KIF13A: variants seen among roughly 807,000 people sequenced by gnomAD.
The protein encoded by KIF13A is kinesin-like protein KIF13A.
KIF13A carries 79 observed loss-of-function variants against 212.2 expected under a neutral mutation model. The ratio of observed to expected loss-of-function variants is 0.37; its 90% confidence interval spans 0.31 to 0.45. KIF13A has a LOEUF of 0.45. KIF13A is among the 20% of genes least tolerant of loss of function. The pLI is 1.00. For synonymous variants in KIF13A, 789 were observed against 808.6 expected (o/e 0.98, Z 0.41); for missense variants, 1,901 against 2,209.0 (o/e 0.86, Z 2.79).
At chr6:17,945,418 G>T (rs923318714) in intron 2 of KIF13A, among the ~76,000 whole-genome samples, 1 of 152,010 alleles carries the variant, frequency 6.6e-6, no homozygotes, top group South Asian at 2.1e-4. Context: ...GTTATTTTTT[G>T]ATCTAGGTCC....
chr6:17,969,379 TA>T (rs1228383788), intron 2 of KIF13A, among the ~76,000 whole-genome samples: 1 of 152,242 alleles, frequency 6.6e-6, no homozygotes, highest in African/African-American at 2.4e-5. Flanking sequence ...ATATACTCAC[TA>T]AATGTTTGTT....
In KIF13A at chr6:17,794,859, C is replaced by A. The variant is rs1030286834; in HGVS notation, c.2943-155G>T. The stretch of plus-strand genomic sequence containing the variant: ...TTCCTTATTTAACTCTCAAAACCAA[C>A]CTGTCATATTGTTTCTTTTTATTTA... On this transcript the variant is annotated intron_variant, in intron 23 of 38. Coordinates refer to ENST00000259711, the MANE Select transcript of KIF13A (RefSeq NM_022113.6). The surrounding 1 kb of genome is among the most constrained non-coding windows in gnomAD (Gnocchi z 4.1). 24 of 673,746 alleles carry A rather than the reference C, an allele frequency of 3.6e-5. No individual in the cohort carries two copies. The African/African-American group carries it at 4.0e-4, about 11-fold the overall frequency. 41.7% of individuals were successfully genotyped at this position (673,746 alleles called of 1,614,324 possible).
At chr6:17,904,339 A>G (rs987086754) in intron 2 of KIF13A, among the ~76,000 whole-genome samples, 1 of 152,058 alleles carries the variant, frequency 6.6e-6, no homozygotes, top group African/African-American at 2.4e-5. Context: ...GTTGTGGCAC[A>G]TGCCTGTAAT....
At position 17,825,963 on chromosome 6, in the gene KIF13A, T is replaced by C. The variant is rs745446642; in HGVS notation, c.1620-29A>G. The C allele has an allele frequency of 6.2e-7, 1 of 1,612,432 alleles. No homozygotes were observed. Among genetic ancestry groups the C allele is most frequent in the Non-Finnish European group, 8.5e-7 (1 of 1,179,092 alleles). On this transcript the variant is annotated intron_variant, in intron 15 of 38. Transcript: ENST00000259711. The surrounding 1 kb of genome is among the most constrained non-coding windows in gnomAD (Gnocchi z 4.5). Reference sequence around the variant, plus strand: ...TGGGGTTTTTCACCATTAGAGAAAATCAACTTGTTTTACACTTAAATAGAT... The same window carrying C: ...TGGGGTTTTTCACCATTAGAGAAAACCAACTTGTTTTACACTTAAATAGAT...
rs545798372 is a variant in KIF13A at position 17,919,495 on chromosome 6, T to C, written c.147-21315A>G. 6.6e-6 allele frequency among the ~76,000 whole-genome samples: 1 copy of C among 151,818 alleles called. No homozygotes were observed. Among genetic ancestry groups the C allele is most frequent in the East Asian group, 1.9e-4 (1 of 5,200 alleles). On this transcript the variant is annotated intron_variant, in intron 2 of 38. Coordinates refer to ENST00000259711, the MANE Select transcript of KIF13A (RefSeq NM_022113.6). The surrounding 1 kb of genome is among the most constrained non-coding windows in gnomAD (Gnocchi z 4.1). ...ACATGGTGCTGAGAATAGTAATCAC[T>C]CCTTTTCTCAGAGACTTCAACCCTC...
chr6:17,943,938 A>C (rs73373173), intron 2 of KIF13A, among the ~76,000 whole-genome samples: 1,678 of 152,240 alleles, frequency 0.011, 24 homozygotes, highest in African/African-American at 0.038. Flanking sequence ...CAACCACATT[A>C]AGTTGATGCT....
intron 3 of KIF13A, among the ~76,000 whole-genome samples, chr6:17,887,628 T>C (rs1361467458): frequency 2.6e-5 from 4 of 152,214 alleles, no homozygotes. Context: ...CTCTACACTT[T>C]AACCAGAGTG....
intron 3 of KIF13A, among the ~76,000 whole-genome samples, chr6:17,876,229 T>C (rs9477548): frequency 0.76 from 115,139 of 152,010 alleles, 43,954 homozygotes; most frequent in South Asian, 0.84. Context: ...CAGGATCCTT[T>C]AATGCTTAAT....
intron 2 of KIF13A, among the ~76,000 whole-genome samples, chr6:17,948,916 T>C (rs542022104): frequency 1.8e-4 from 27 of 152,218 alleles, no homozygotes; most frequent in Middle Eastern, 3.4e-3. Flanking sequence ...GGTTATGCAA[T>C]AGCGAGTGAG....
intron 2 of KIF13A, among the ~76,000 whole-genome samples, chr6:17,939,021 A>T (rs988274630): frequency 6.6e-6 from 1 of 152,226 alleles, no homozygotes; most frequent in Non-Finnish European, 1.5e-5. Flanking sequence ...ATAGTTATGT[A>T]AGCAAATTGG....
At chr6:17,802,221 A>G (rs948887936) in intron 20 of KIF13A, among the ~76,000 whole-genome samples, 2 of 152,242 alleles carry the variant, frequency 1.3e-5, no homozygotes, top group African/African-American at 4.8e-5. Flanking sequence ...GAGAAGTAAG[A>G]CAAATATGGA....
intron 2 of KIF13A, among the ~76,000 whole-genome samples, chr6:17,904,325 G>C (rs371030088): frequency 6.6e-6 from 1 of 151,974 alleles, no homozygotes; most frequent in East Asian, 1.9e-4. Flanking sequence ...AAAATTAGCC[G>C]GGTGTTGTGG....
intron 2 of KIF13A, among the ~76,000 whole-genome samples, chr6:17,917,437 C>T (rs990924421): frequency 3.3e-5 from 5 of 151,892 alleles, no homozygotes; most frequent in East Asian, 1.9e-4. Context: ...GACGGGGTTT[C>T]GCTATGTTGC....
Position 17,825,825 on chromosome 6 carries a change from C to G in KIF13A, c.1729G>C (p.Asp577His), listed in dbSNP as rs1256498250. Residue 577 changes from aspartate (D) to histidine (H), a missense_variant, in exon 16 of 39, where the codon GAC (aspartate) becomes CAC (histidine). By Grantham distance (81) the Asp-to-His change is moderately conservative. Transcript: ENST00000259711. This position sits in a 1 kb window ranked among gnomAD's most constrained non-coding sequence, Gnocchi z 4.5. Reference sequence around the variant, plus strand: ...ATCTGTGCAAATTCATAGTTATAGTCTGGTTCAGAGGAAGCCTCACTGGCT... The same window carrying G: ...ATCTGTGCAAATTCATAGTTATAGTGTGGTTCAGAGGAAGCCTCACTGGCT... ...DAASEASSEP[D>H]YNYEFAQMEV... 6.2e-7 allele frequency: 1 copy of G among 1,613,852 alleles called. No homozygotes were observed. Among genetic ancestry groups the G allele is most frequent in the East Asian group, 2.2e-5 (1 of 44,894 alleles).
Position 17,780,926 on chromosome 6 carries a change from G to A in KIF13A, c.3670-20C>T, listed in dbSNP as rs779073107. 4 of 1,606,052 alleles carry A rather than the reference G, an allele frequency of 2.5e-6. No individual in the cohort carries two copies. The highest frequency in any genetic ancestry group is 3.4e-6 in the Non-Finnish European group (4 of 1,174,226). ...TGAAACCTAGGAGTTGGGGAATGAT[G>A]AGGAGATGGAAACAAGACAAAAGTC... On this transcript the variant is annotated intron_variant, in intron 30 of 38. Coordinates refer to ENST00000259711, the MANE Select transcript of KIF13A (RefSeq NM_022113.6).
Position 17,794,069 on chromosome 6 carries a change from T to C in KIF13A, c.3222+180A>G, listed in dbSNP as rs1358815389. 6.6e-6 allele frequency among the ~76,000 whole-genome samples: 1 copy of C among 152,184 alleles called. No homozygotes were observed. Among genetic ancestry groups the C allele is most frequent in the Admixed American group, 6.5e-5 (1 of 15,272 alleles). On this transcript the variant is annotated intron_variant, in intron 25 of 38. Coordinates refer to ENST00000259711, the MANE Select transcript of KIF13A (RefSeq NM_022113.6). The surrounding 1 kb of genome is among the most constrained non-coding windows in gnomAD (Gnocchi z 4.1). The stretch of plus-strand genomic sequence containing the variant: ...ATGCGTGTGTTTATAAATAAAATTA[T>C]TATTAACTGACACTAAGCAAACAGA...
At chr6:17,875,665 G>T (rs1008576169) in intron 3 of KIF13A, among the ~76,000 whole-genome samples, 7 of 151,960 alleles carry the variant, frequency 4.6e-5, no homozygotes, top group African/African-American at 1.7e-4. Context: ...ATGTTGGCCA[G>T]GGTGGACTCA....
chr6:17,950,241 A>G (rs1374356077), intron 2 of KIF13A, among the ~76,000 whole-genome samples: 1 of 152,140 alleles, frequency 6.6e-6, no homozygotes, highest in African/African-American at 2.4e-5. Flanking sequence ...CTCCATAAAT[A>G]CAAAATTACA....
intron 2 of KIF13A, among the ~76,000 whole-genome samples, chr6:17,954,808 G>A (rs904851433): frequency 1.1e-4 from 17 of 151,826 alleles, no homozygotes; most frequent in African/African-American, 4.1e-4. Flanking sequence ...TGAGTAGCTG[G>A]GACCACAGGC....
Sources: allele counts gnomAD v4.1 joint callset (sites outside exome capture counted in the v4.1 genomes callset), GRCh38; gene constraint gnomAD v4.1.1; non-coding constraint Gnocchi (gnomAD v3.1); transcripts MANE v1.5; gene names NCBI Gene and HGNC (gene_info 2026-07-23, HGNC 2026-07-21).